The following DHDDS variants were observed in gnomAD, a reference collection of about 807,000 sequenced individuals.
DHDDS encodes the protein dehydrodolichyl diphosphate synthase subunit.
In DHDDS, 16 loss-of-function variants were observed where a neutral mutation model predicts 46.2. That is an observed-to-expected ratio of 0.35 (90% CI 0.23 to 0.53). DHDDS has a LOEUF of 0.53. DHDDS is among the 20% of genes least tolerant of loss of function. The pLI, the probability that DHDDS is intolerant of heterozygous loss-of-function variation, is 0.94. For synonymous variants in DHDDS, 151 were observed against 163.1 expected (o/e 0.93, Z 0.56); for missense variants, 340 against 423.7 (o/e 0.80, Z 1.73).
chr1:26,468,812 C>CCCCCCCCCCCAACACCA, intron 8 of DHDDS, 83 bp from the exon 9 acceptor site: 1 of 601,120 alleles, frequency 1.7e-6, no homozygotes. Flanking sequence ...CCACCCTGTG[C>CCCCCCCCCCCAACACCA]CCCACCCCCT....
At chr1:26,464,579 C>G (rs1036715107) in intron 8 of DHDDS, among the ~76,000 whole-genome samples, 4 of 152,212 alleles carry the variant, frequency 2.6e-5, no homozygotes, top group African/African-American at 9.6e-5. Context: ...TTGGCAGATG[C>G]ACTAAGGGGA....
chr1:26,450,878 C>T (rs2075312575), intron 6 of DHDDS, among the ~76,000 whole-genome samples: 1 of 152,102 alleles, frequency 6.6e-6, no homozygotes, highest in African/African-American at 2.4e-5. Context: ...GAATATGTTT[C>T]AAATATTCTT....
intron 8 of DHDDS, among the ~76,000 whole-genome samples, chr1:26,465,633 C>T (rs1557452778): frequency 6.6e-6 from 1 of 152,198 alleles, no homozygotes; most frequent in Non-Finnish European, 1.5e-5. Flanking sequence ...TAAGCTAACA[C>T]ATGTCAAGTG....
Position 26,469,501 on chromosome 1 carries a change from C to T in DHDDS, c.*370C>T, listed in dbSNP as rs571731712. The T allele has an allele frequency of 3.0e-6, 1 of 336,674 alleles. No individual in the cohort carries two copies. Among genetic ancestry groups the T allele is most frequent in the East Asian group, 6.7e-5 (1 of 15,026 alleles). 20.9% of individuals were successfully genotyped at this position (336,674 alleles called of 1,614,324 possible). The stretch of plus-strand genomic sequence containing the variant: ...AAGAGTTCTCCCCAAAACCCTAGCT[C>T]TTTACCCTTCCATTTTAGCCTTCCA... On this transcript the variant is annotated 3_prime_UTR_variant, in exon 9 of 9. Transcript: ENST00000236342.
chr1:26,436,979 G>A (rs1048692761), intron 2 of DHDDS, among the ~76,000 whole-genome samples: 1 of 151,598 alleles, frequency 6.6e-6, no homozygotes, highest in Non-Finnish European at 1.5e-5. Flanking sequence ...CACCATCCTG[G>A]CTAACACGGT....
At chr1:26,453,079 GA>G (rs375380867) in intron 6 of DHDDS, among the ~76,000 whole-genome samples, 17 of 151,070 alleles carry the variant, frequency 1.1e-4, no homozygotes, top group African/African-American at 3.9e-4. Context: ...ACAACAGAGT[GA>G]AACCCTGTCT....
intron 3 of DHDDS, 41 bp downstream of exon 3, chr1:26,438,325 A>G: frequency 2.5e-6 from 4 of 1,570,194 alleles, no homozygotes; most frequent in Non-Finnish European, 3.5e-6. Context: ...CAGTCTGTGG[A>G]GAGGTAGATT....
chr1:26,432,759 A>G (rs965772654), intron 1 of DHDDS, 132 bp from the exon 2 acceptor site: 11 of 636,632 alleles, frequency 1.7e-5, no homozygotes, highest in Non-Finnish European at 3.1e-5. Flanking sequence ...GTGGTAAAAG[A>G]TTATAGGCTT....
At chr1:26,437,812 AAAG>A (rs1220838263) in intron 2 of DHDDS, among the ~76,000 whole-genome samples, 1 of 151,896 alleles carries the variant, frequency 6.6e-6, no homozygotes, top group Non-Finnish European at 1.5e-5. Context: ...AAAAAAAAGA[AAAG>A]AAAAGAAAAA....
At position 26,432,890 on chromosome 1, in the gene DHDDS, G is replaced by C; in HGVS notation, c.-55-1G>C. On this transcript the variant is annotated splice_acceptor_variant, in intron 1 of 8. Coordinates refer to ENST00000236342, the MANE Select transcript of DHDDS (RefSeq NM_205861.3). LOFTEE classifies it low-confidence loss of function (5UTR_SPLICE). ...CTTATTTTCTTTCTTGTTTATCCAA[G>C]ATTACCTGGCTGGTGTTTGCTTGTT... 1 of 1,589,050 alleles carries C rather than the reference G, an allele frequency of 6.3e-7. No individual in the cohort carries two copies. The highest frequency in any genetic ancestry group is 8.6e-7 in the Non-Finnish European group (1 of 1,157,298).
chr1:26,463,406 GT>G (rs1477441773), intron 8 of DHDDS: 1 of 152,192 alleles, frequency 6.6e-6, no homozygotes, highest in Non-Finnish European at 1.5e-5. Flanking sequence ...TTCATCTTTA[GT>G]GGAATTTCTT....
At chr1:26,445,253 C>T (rs1431320038) in intron 4 of DHDDS, among the ~76,000 whole-genome samples, 4 of 152,228 alleles carry the variant, frequency 2.6e-5, no homozygotes, top group Admixed American at 6.5e-5. Flanking sequence ...AGAATGTTAG[C>T]TGTCACCATT....
intron 6 of DHDDS, chr1:26,454,990 T>G: frequency 6.6e-7 from 1 of 1,517,548 alleles, no homozygotes; most frequent in Non-Finnish European, 9.1e-7. Flanking sequence ...ACCTGCCAGC[T>G]CCACCATTGT....
At chr1:26,460,492 T>G (rs2075411697) in intron 8 of DHDDS, among the ~76,000 whole-genome samples, 1 of 152,232 alleles carries the variant, frequency 6.6e-6, no homozygotes, top group African/African-American at 2.4e-5. Context: ...AGGAAAAGGC[T>G]TCTCAGAGAA....
chr1:26,469,344 C>T lies in DHDDS; in HGVS notation c.*213C>T, dbSNP rs1244567520. On this transcript the variant is annotated 3_prime_UTR_variant, in exon 9 of 9. Transcript: ENST00000236342. ...GAGGATTGAGGGTGAAAGTCTCCCA[C>T]GAGTACACTAAACCTAGGTCTGGTC... 7.2e-6 allele frequency: 6 copies of T among 830,676 alleles called. No individual in the cohort carries two copies. Among genetic ancestry groups the T allele is most frequent in the South Asian group, 4.9e-5 (3 of 61,020 alleles). 51.5% of individuals were successfully genotyped at this position (830,676 alleles called of 1,614,324 possible). A position where few individuals can be genotyped will look rare whatever the true frequency, so the allele number is the denominator to read the frequency against.
At chr1:26,447,520 G>A (rs1185874038) in intron 5 of DHDDS, 39 bp from the exon 6 acceptor site, 1 of 1,535,288 alleles carries the variant, frequency 6.5e-7, no homozygotes, top group South Asian at 1.1e-5. Flanking sequence ...ATCAGTCCCT[G>A]TCCCCCTTTG....
chr1:26,458,020 T>G, intron 7 of DHDDS, 115 bp downstream of exon 7: 1 of 855,968 alleles, frequency 1.2e-6, no homozygotes, highest in Non-Finnish European at 1.9e-6. Context: ...AGAGTACTTC[T>G]GGGGAAAGCT....
chr1:26,463,176 C>T (rs1046386273), intron 8 of DHDDS, among the ~76,000 whole-genome samples: 3 of 152,122 alleles, frequency 2.0e-5, no homozygotes, highest in Non-Finnish European at 2.9e-5. Flanking sequence ...GAATTTTCAA[C>T]GGGCTGGAGT....
chr1:26,441,588 C>T (rs1407458125), intron 3 of DHDDS, among the ~76,000 whole-genome samples: 2 of 152,130 alleles, frequency 1.3e-5, no homozygotes, highest in Non-Finnish European at 2.9e-5. Context: ...CTAACCCATA[C>T]CCCTGTCAAG....
Sources: allele counts gnomAD v4.1 joint callset (sites outside exome capture counted in the v4.1 genomes callset), GRCh38; gene constraint gnomAD v4.1.1; transcripts MANE v1.5; gene names NCBI Gene and HGNC (gene_info 2026-07-23, HGNC 2026-07-21).